The following SNTG1 variants were observed in gnomAD, a reference collection of about 807,000 sequenced individuals.
SNTG1 encodes syntrophin gamma 1.
SNTG1 carries 39 observed loss-of-function variants against 74.7 expected under a neutral mutation model. That is an observed-to-expected ratio of 0.52 (90% CI 0.40 to 0.68). The LOEUF (loss-of-function observed/expected upper bound fraction) is 0.68, where lower values mean the gene tolerates loss of function less well. SNTG1 is among the 30% of genes least tolerant of loss of function. SNTG1 has a pLI of 0.00. For synonymous variants in SNTG1, 254 were observed against 217.1 expected, an observed-to-expected ratio of 1.17 and a Z score of -1.49; for missense variants, 685 against 609.5, an observed-to-expected ratio of 1.12 and a Z score of -1.30.
chr8:50,168,101 G>T (rs904293642), intron 1 of SNTG1, among the ~76,000 whole-genome samples: 3 of 151,570 alleles, frequency 2.0e-5, no homozygotes, highest in African/African-American at 7.3e-5. Flanking sequence ...CCTTTAATTT[G>T]TATGATAACA....
chr8:50,022,631 T>C (rs867806141), intron 1 of SNTG1, among the ~76,000 whole-genome samples: 1 of 152,190 alleles, frequency 6.6e-6, no homozygotes, highest in Non-Finnish European at 1.5e-5. Context: ...AATACAGTGG[T>C]AGCCTAGCAG....
intron 1 of SNTG1, among the ~76,000 whole-genome samples, chr8:50,125,380 A>T (rs2081106995): frequency 7.0e-6 from 1 of 142,460 alleles, no homozygotes; most frequent in South Asian, 2.6e-4. Flanking sequence ...AAAATGCATT[A>T]GCTAAATTGA....
At chr8:50,333,035 G>T (rs1158713329) in intron 2 of SNTG1, among the ~76,000 whole-genome samples, 2 of 152,166 alleles carry the variant, frequency 1.3e-5, no homozygotes, top group African/African-American at 4.8e-5. Flanking sequence ...GCAATAGTTT[G>T]ATATATTTTC....
Position 50,449,867 on chromosome 8 carries a change from G to A in SNTG1, c.277+142G>A, listed in dbSNP as rs2093439861. 11 of 664,098 alleles carry A rather than the reference G, an allele frequency of 1.7e-5. 1 individual carries two copies. The East Asian group carries it at 3.4e-4, about 20-fold the overall frequency. 41.1% of individuals were successfully genotyped at this position (664,098 alleles called of 1,614,324 possible). A position where few individuals can be genotyped will look rare whatever the true frequency, so the allele number is the denominator to read the frequency against. On this transcript the variant is annotated intron_variant, in intron 6 of 18. Transcript: ENST00000642720. ...CCTTCAGGCATTAGTGGCTGAGTCT[G>A]CTTCCTGGGTCCTTGCCCTTTATCC...
At chr8:50,770,458 G>A (rs1453588016) in intron 18 of SNTG1, among the ~76,000 whole-genome samples, 1 of 151,970 alleles carries the variant, frequency 6.6e-6, no homozygotes, top group Non-Finnish European at 1.5e-5. Context: ...TCGAAAATAT[G>A]CATCCTAGAA....
intron 12 of SNTG1, among the ~76,000 whole-genome samples, chr8:50,570,591 G>GTTGTTGTTGTTATTATTATTATTA (rs137977278): frequency 7.7e-6 from 1 of 130,162 alleles, no homozygotes; most frequent in East Asian, 2.3e-4. Context: ...TATTATTGTT[G>GTTGTTGTTGTTATTATTATTATTA]TTATTATTAT....
chr8:50,701,992 A>G (rs1031713519), intron 15 of SNTG1, among the ~76,000 whole-genome samples: 1 of 151,834 alleles, frequency 6.6e-6, no homozygotes, highest in Non-Finnish European at 1.5e-5. Context: ...CTGGAATTAC[A>G]GGGATGCACC....
At chr8:50,451,657 G>T (rs970180854) in intron 8 of SNTG1, among the ~76,000 whole-genome samples, 1 of 152,174 alleles carries the variant, frequency 6.6e-6, no homozygotes, top group Non-Finnish European at 1.5e-5. Context: ...CAGTTTGGGA[G>T]GGCCCAGGGA....
At chr8:49,910,970 C>T (rs1221799362), upstream of SNTG1, 1 of 152,404 alleles carries the variant, frequency 6.6e-6, no homozygotes, top group East Asian at 1.9e-4. Flanking sequence ...CGCTGACACT[C>T]ACAGGAGCTG....
At chr8:50,335,070 T>G (rs1288644591) in intron 2 of SNTG1, among the ~76,000 whole-genome samples, 1 of 152,234 alleles carries the variant, frequency 6.6e-6, no homozygotes, top group African/African-American at 2.4e-5. Context: ...ATTAAGAATG[T>G]GTCTAGGATA....
rs1023994363 is a variant in SNTG1 at position 50,130,857 on chromosome 8, C to A, written c.-102-41704C>A. ...AGTATGGGAGCTCCACATTATTGGA[C>A]AACAGTATCATTTAGGATGGGAAAT... On this transcript the variant is annotated intron_variant, in intron 1 of 18. Coordinates refer to ENST00000642720, the MANE Select transcript of SNTG1 (RefSeq NM_018967.5). 1.7e-4 allele frequency among the ~76,000 whole-genome samples: 26 copies of A among 151,984 alleles called. 1 individual carries two copies. Among genetic ancestry groups the A allele is most frequent in the Non-Finnish European group, 3.1e-4 (21 of 67,968 alleles).
intron 12 of SNTG1, among the ~76,000 whole-genome samples, chr8:50,561,144 A>G (rs2130684882): frequency 6.6e-6 from 1 of 152,162 alleles, no homozygotes; most frequent in East Asian, 1.9e-4. Context: ...TGTTCTCATG[A>G]TAGTGAGTGA....
intron 12 of SNTG1, among the ~76,000 whole-genome samples, chr8:50,559,940 C>A (rs542338152): frequency 7.2e-5 from 11 of 152,164 alleles, no homozygotes; most frequent in African/African-American, 2.6e-4. Context: ...AACAGACAAC[C>A]TACAGAATGG....
intron 1 of SNTG1, among the ~76,000 whole-genome samples, chr8:49,915,644 T>C (rs1805963255): frequency 6.6e-6 from 1 of 152,198 alleles, no homozygotes; most frequent in Admixed American, 6.5e-5. Context: ...TGTCGTGTCA[T>C]AATTTTCTAG....
chr8:50,400,148 C>T (rs760431939), intron 3 of SNTG1, among the ~76,000 whole-genome samples: 1 of 152,094 alleles, frequency 6.6e-6, no homozygotes, highest in Non-Finnish European at 1.5e-5. Flanking sequence ...AGCAGACTCC[C>T]AGCAATAGCC....
chr8:50,385,863 G>A (rs1476007248), intron 2 of SNTG1, among the ~76,000 whole-genome samples: 1 of 152,178 alleles, frequency 6.6e-6, no homozygotes, highest in Non-Finnish European at 1.5e-5. Flanking sequence ...TAAGCTTGTG[G>A]TAATCCATTG....
At chr8:50,162,295 G>A (rs1451971484) in intron 1 of SNTG1, among the ~76,000 whole-genome samples, 1 of 152,136 alleles carries the variant, frequency 6.6e-6, no homozygotes, top group Non-Finnish European at 1.5e-5. Flanking sequence ...GTGCGCGGTG[G>A]CTCATGCCTG....
chr8:49,914,101 T>C (rs566829445), intron 1 of SNTG1, among the ~76,000 whole-genome samples: 1 of 152,252 alleles, frequency 6.6e-6, no homozygotes, highest in African/African-American at 2.4e-5. Context: ...AGATAGAGTT[T>C]GGGAAAGCAA....
intron 1 of SNTG1, among the ~76,000 whole-genome samples, chr8:50,037,674 C>T (rs928830829): frequency 1.8e-4 from 27 of 152,108 alleles, no homozygotes; most frequent in African/African-American, 6.5e-4. Flanking sequence ...CTTTAGTAGC[C>T]AGTTGTCCTT....
Sources: allele counts gnomAD v4.1 joint callset (sites outside exome capture counted in the v4.1 genomes callset), GRCh38; gene constraint gnomAD v4.1.1; transcripts MANE v1.5; gene names NCBI Gene and HGNC (gene_info 2026-07-23, HGNC 2026-07-21).